Variants in PSME4 observed in about 807,000 individuals in gnomAD.
The protein encoded by PSME4 is proteasome activator complex subunit 4.
PSME4 carries 89 observed loss-of-function variants against 253.9 expected under a neutral mutation model. The ratio of observed to expected loss-of-function variants is 0.35; its 90% CI spans 0.30 to 0.42. The LOEUF (loss-of-function observed/expected upper bound fraction) is 0.42. Among genes scored for constraint, PSME4 ranks in the 10% least tolerant of loss-of-function variants. The probability of loss-of-function intolerance (pLI) is 1.00; values close to 1 mark genes in which losing one functional copy is unlikely to be tolerated. For missense variants in PSME4, 2,014 were observed against 2,195.2 expected, an observed-to-expected ratio of 0.92 and a Z score of 1.65; for synonymous variants, 851 against 759.2, an observed-to-expected ratio of 1.12 and a Z score of -1.99.
At chr2:53,943,820 C>T (rs1320297242) in intron 3 of PSME4, among the ~76,000 whole-genome samples, 1 of 83,866 alleles carries the variant, frequency 1.2e-5, no homozygotes, top group South Asian at 3.9e-4. Context: ...CCAGCCTGGG[C>T]AACAACAGCA....
intron 44 of PSME4, among the ~76,000 whole-genome samples, chr2:53,867,444 A>G (rs1678618296): frequency 6.8e-6 from 1 of 148,044 alleles, no homozygotes; most frequent in Non-Finnish European, 1.5e-5. Flanking sequence ...GGCTGCAGTG[A>G]GCCAAGATCG....
intron 21 of PSME4, among the ~76,000 whole-genome samples, chr2:53,909,041 G>GC (rs1667701931): frequency 6.6e-6 from 1 of 151,814 alleles, no homozygotes; most frequent in African/African-American, 2.4e-5. Context: ...CTTATGAGAT[G>GC]TCTATCATGC....
At chr2:53,955,885 G>A (rs369587762) in intron 1 of PSME4, among the ~76,000 whole-genome samples, 6 of 152,074 alleles carry the variant, frequency 3.9e-5, no homozygotes, top group Admixed American at 6.6e-5. Flanking sequence ...TCGTGCCACT[G>A]CACTCCAACC....
intron 31 of PSME4, 68 bp downstream of exon 31, chr2:53,897,802 G>A: frequency 2.6e-6 from 4 of 1,519,068 alleles, no homozygotes; most frequent in Non-Finnish European, 3.6e-6. Context: ...TGCTTGTGAA[G>A]AATTTAAAGA....
chr2:53,967,827 T>C (rs1573394513), intron 1 of PSME4, among the ~76,000 whole-genome samples: 4 of 152,104 alleles, frequency 2.6e-5, no homozygotes, highest in Admixed American at 2.6e-4. Flanking sequence ...CACTTTGGTC[T>C]TTAGGAATGT....
chr2:53,905,288 C>T (rs972950345), intron 26 of PSME4, among the ~76,000 whole-genome samples: 3 of 151,970 alleles, frequency 2.0e-5, no homozygotes, highest in Non-Finnish European at 4.4e-5. Context: ...GGCCTCCCAC[C>T]CACAGTGTTG....
rs987973299 is a variant in PSME4 at position 53,927,495 on chromosome 2, T to C, written c.1504-12A>G. 2.0e-6 allele frequency: 3 copies of C among 1,530,308 alleles called. No homozygotes were observed. Among genetic ancestry groups the C allele is most frequent in the African/African-American group, 1.4e-5 (1 of 73,036 alleles). 94.8% of individuals were successfully genotyped at this position (1,530,308 alleles called of 1,614,324 possible). A position where few individuals can be genotyped will look rare whatever the true frequency, so the allele number is the denominator to read the frequency against. On this transcript the variant is annotated splice_polypyrimidine_tract_variant and intron_variant, in intron 11 of 46. Transcript: ENST00000404125. Reference sequence around the variant, plus strand: ...AACTGGAATGTGATCTGTGGAAACATACAAAGGATTTTCAACATTACATAA... The same window carrying C: ...AACTGGAATGTGATCTGTGGAAACACACAAAGGATTTTCAACATTACATAA...
In PSME4 at chr2:53,949,131, A is replaced by T. The variant is rs1168747691; in HGVS notation, c.383+12T>A. ...AACAAACCTTAACAGAAACCTCTGG[A>T]AAAAGACTTACTTTAACAAGTTGAT... On this transcript the variant is annotated intron_variant, in intron 2 of 46. Transcript: ENST00000404125. 6.3e-7 allele frequency: 1 copy of T among 1,580,240 alleles called. No individual in the cohort carries two copies. Among genetic ancestry groups the T allele is most frequent in the Admixed American group, 1.8e-5 (1 of 56,192 alleles).
At chr2:53,955,884 T>C (rs1430968616) in intron 1 of PSME4, among the ~76,000 whole-genome samples, 1 of 152,108 alleles carries the variant, frequency 6.6e-6, no homozygotes, top group Non-Finnish European at 1.5e-5. Context: ...ATCGTGCCAC[T>C]GCACTCCAAC....
intron 36 of PSME4, among the ~76,000 whole-genome samples, chr2:53,890,848 G>A (rs761628299): frequency 6.6e-6 from 1 of 152,014 alleles, no homozygotes; most frequent in African/African-American, 2.4e-5. Flanking sequence ...GTCACATGGC[G>A]AAACCATGTC....
rs11125517 is a variant in PSME4 at position 53,864,611 on chromosome 2, T to C, written c.*967A>G. On this transcript the variant is annotated 3_prime_UTR_variant, in exon 47 of 47. Transcript: ENST00000404125. ...AAAAGGTTGCATCTGTACAATGTCT[T>C]GCCAATGCTATCTCTACAGTTTATA... The C allele has an allele frequency of 0.11, 17,014 of 152,664 alleles. 1,496 individuals are homozygous for C. The highest frequency in any genetic ancestry group is 0.25 in the African/African-American group (10,361 of 41,504). 9.5% of individuals were successfully genotyped at this position (152,664 alleles called of 1,614,324 possible). A position where few individuals can be genotyped will look rare whatever the true frequency, so the allele number is the denominator to read the frequency against.
intron 39 of PSME4, among the ~76,000 whole-genome samples, 163 bp from the exon 40 acceptor site, chr2:53,887,630 T>G (rs1465749119): frequency 6.6e-6 from 1 of 152,204 alleles, no homozygotes; most frequent in African/African-American, 2.4e-5. Flanking sequence ...TAAGGGGTAT[T>G]AACACTTAGG....
intron 31 of PSME4, among the ~76,000 whole-genome samples, chr2:53,897,138 C>T (rs1003667583): frequency 1.3e-5 from 2 of 151,064 alleles, no homozygotes; most frequent in Non-Finnish European, 2.9e-5. Flanking sequence ...AAACCAATAC[C>T]TGCTCATTCT....
chr2:53,919,444 A>T (rs1668202234), intron 19 of PSME4, among the ~76,000 whole-genome samples, 198 bp from the exon 20 acceptor site: 1 of 152,216 alleles, frequency 6.6e-6, no homozygotes, highest in Non-Finnish European at 1.5e-5. Context: ...GCTTACATTT[A>T]AACAGGCTCT....
At chr2:53,891,301 G>C (rs1679894661) in intron 36 of PSME4, among the ~76,000 whole-genome samples, 1 of 152,118 alleles carries the variant, frequency 6.6e-6, no homozygotes, top group South Asian at 2.1e-4. Flanking sequence ...ATAGGTTAAT[G>C]AGCATACAAA....
chr2:53,921,051 C>G lies in PSME4; in HGVS notation c.2100G>C (p.Lys700Asn). The G allele has an allele frequency of 6.2e-7, 1 of 1,614,062 alleles. No individual in the cohort carries two copies. Among genetic ancestry groups the G allele is most frequent in the Non-Finnish European group, 8.5e-7 (1 of 1,179,994 alleles). Residue 700 changes from lysine (K) to asparagine (N), a missense_variant, in exon 18 of 47, where the codon AAG (lysine) becomes AAC (asparagine). Lys to Asn is a moderately conservative substitution (Grantham distance 94). Transcript: ENST00000404125. ...TTAAATGTAGGGTTCTTTGGAGAAT[C>G]TTTACAAGCTGCTCCCTATAAAGAA... ...KLLLYREQLV[K>N]ILQRTLHLTC... is the part of the protein sequence containing the mutation.
chr2:53,935,577 T>C (rs1669067004), intron 7 of PSME4, among the ~76,000 whole-genome samples: 1 of 152,188 alleles, frequency 6.6e-6, no homozygotes, highest in Admixed American at 6.5e-5. Context: ...GGCAGCACTG[T>C]AGAGGAGCAA....
chr2:53,898,090 T>C (rs1029802412), intron 30 of PSME4, 91 bp from the exon 31 acceptor site: 129 of 1,439,840 alleles, frequency 9.0e-5, no homozygotes, highest in African/African-American at 5.9e-4. Flanking sequence ...ATTTTAAATT[T>C]CTCAAGAATT....
Position 53,890,185 on chromosome 2 carries a change from C to A in PSME4, c.4215G>T (p.Leu1405=). ...FEKVEKLWEL[L]CPLLRTALSN... ...ACAGTGCTGTTCTAAGCAGAGGGCA[C>A]AGAAGCTCCCAAAGCTTCTCCACCT... Residue 1405 remains leucine, a synonymous_variant, in exon 37 of 47, where the codon CTG becomes CTT. Transcript: ENST00000404125. 6.2e-7 allele frequency: 1 copy of A among 1,613,692 alleles called. No homozygotes were observed. The highest frequency in any genetic ancestry group is 8.5e-7 in the Non-Finnish European group (1 of 1,179,822).
Sources: gnomAD v4.1 joint callset for allele counts (sites outside exome capture counted in the v4.1 genomes callset) on GRCh38, gnomAD v4.1.1 for gene constraint, MANE v1.5 for transcripts, NCBI Gene and HGNC (gene_info 2026-07-23, HGNC 2026-07-21) for gene names.